Variants in CHL1 observed in about 807,000 individuals in gnomAD.
CHL1 encodes the protein neural cell adhesion molecule L1-like protein.
A neutral mutation model predicts 141.9 loss-of-function variants in CHL1; 96 were observed. The ratio of observed to expected loss-of-function variants is 0.68; its 90% CI spans 0.57 to 0.80. The LOEUF is 0.80. Ranked by LOEUF, CHL1 falls within the 30% of genes least tolerant of loss-of-function variation. The pLI, the probability that CHL1 is intolerant of heterozygous loss-of-function variation, is 0.00. For synonymous variants in CHL1, 613 were observed against 502.2 expected, an observed-to-expected ratio of 1.22 and a Z score of -2.95; for missense variants, 1,820 against 1,457.2, an observed-to-expected ratio of 1.25 and a Z score of -4.05.
rs1258423978 is a variant in CHL1 at position 409,295 on chromosome 3, A to G, written c.*3584A>G. On this transcript the variant is annotated 3_prime_UTR_variant, in exon 28 of 28. Transcript: ENST00000256509. ...TAATATTCATAGTAGAACTTTATAA[A>G]ACGTGTTTGTATTGTAGGTGGTGTT... 6.6e-6 allele frequency: 1 copy of G among 152,082 alleles called. No individual in the cohort carries two copies. Among genetic ancestry groups the G allele is most frequent in the African/African-American group, 2.4e-5 (1 of 41,434 alleles). 9.4% of individuals were successfully genotyped at this position (152,082 alleles called of 1,614,324 possible).
chr3:238,490 C>T (rs1574817522), intron 1 of CHL1, among the ~76,000 whole-genome samples: 1 of 151,968 alleles, frequency 6.6e-6, no homozygotes, highest in Non-Finnish European at 1.5e-5. Flanking sequence ...CATTTTTTGT[C>T]AACATATGTG....
At chr3:227,518 T>C (rs1701460674) in intron 1 of CHL1, among the ~76,000 whole-genome samples, 1 of 152,196 alleles carries the variant, frequency 6.6e-6, no homozygotes, top group African/African-American at 2.4e-5. Context: ...ATAGGTGATA[T>C]GCATGTGGAG....
intron 15 of CHL1, among the ~76,000 whole-genome samples, chr3:367,965 T>C (rs1705120534): frequency 1.3e-5 from 2 of 152,222 alleles, no homozygotes; most frequent in Admixed American, 1.3e-4. Flanking sequence ...CCATGGTGTA[T>C]CTGTACCACA....
intron 11 of CHL1, among the ~76,000 whole-genome samples, chr3:359,040 A>G (rs999192806): frequency 6.7e-6 from 1 of 148,182 alleles, no homozygotes; most frequent in Non-Finnish European, 1.5e-5. Flanking sequence ...ATCTATATAT[A>G]TACTATAGAT....
intron 2 of CHL1, among the ~76,000 whole-genome samples, chr3:313,293 T>G (rs1456200035): frequency 1.3e-5 from 2 of 152,148 alleles, no homozygotes; most frequent in African/African-American, 4.8e-5. Context: ...TCAGAAAAAA[T>G]GTCAAGGATT....
chr3:223,823 G>T (rs1385412167), intron 1 of CHL1, among the ~76,000 whole-genome samples: 1 of 152,148 alleles, frequency 6.6e-6, no homozygotes. Flanking sequence ...ATGCTGATAG[G>T]TTGGGGCAGG....
At position 361,804 on chromosome 3, in the gene CHL1, T is replaced by C. The variant is rs373716865; in HGVS notation, c.1412T>C (p.Val471Ala). ...CEFFASPEAV[V>A]SWQKVEEVKP... is the part of the protein sequence containing the mutation. ...TTCTTTGCTTCACCTGAGGCAGTCG[T>C]GTCCTGGTAAGCCGGTGGCTCATGG... is the stretch of plus-strand genomic sequence containing the variant. Residue 471 changes from valine to alanine, a missense_variant, in exon 13 of 28, where the codon GTG becomes GCG. Transcript: ENST00000256509. 1.0e-5 allele frequency: 16 copies of C among 1,606,430 alleles called. No individual in the cohort carries two copies. The African/African-American group carries it at 1.7e-4, about 17-fold the overall frequency.
rs372485351 is a variant in CHL1 at position 363,400 on chromosome 3, G to C, written c.1585+17G>C. ...ATATTAGAAGTATTTTTATTTCACT[G>C]TTACTTTGCATGAATTGTCACATGG... On this transcript the variant is annotated intron_variant, in intron 14 of 27. Coordinates refer to ENST00000256509, the MANE Select transcript of CHL1 (RefSeq NM_006614.4). 7 of 1,600,560 alleles carry C rather than the reference G, an allele frequency of 4.4e-6. No individual in the cohort carries two copies. The highest frequency in any genetic ancestry group is 2.2e-5 in the East Asian group (1 of 44,700).
At chr3:364,972 T>A (rs1375413443) in intron 14 of CHL1, among the ~76,000 whole-genome samples, 2 of 152,236 alleles carry the variant, frequency 1.3e-5, no homozygotes, top group Non-Finnish European at 2.9e-5. Flanking sequence ...AAATTTAGAA[T>A]TAGAAGTAGG....
chr3:199,120 GC>G (rs1169854755), intron 1 of CHL1, among the ~76,000 whole-genome samples: 4 of 152,214 alleles, frequency 2.6e-5, no homozygotes, highest in African/African-American at 9.7e-5. Flanking sequence ...TGGTTACAGA[GC>G]CTATGTATAC....
intron 2 of CHL1, among the ~76,000 whole-genome samples, chr3:300,034 A>G (rs1698585357): frequency 6.6e-6 from 1 of 152,212 alleles, no homozygotes. Context: ...TAAATTGCTT[A>G]CCAATTGATG....
chr3:370,636 G>A (rs938130919), intron 15 of CHL1, among the ~76,000 whole-genome samples: 2 of 150,132 alleles, frequency 1.3e-5, no homozygotes, highest in Non-Finnish European at 3.0e-5. Flanking sequence ...TGTTTCTCTT[G>A]TCTTCTGCTA....
At chr3:242,802 G>A (rs534321255) in intron 1 of CHL1, among the ~76,000 whole-genome samples, 65 of 152,192 alleles carry the variant, frequency 4.3e-4, no homozygotes, top group African/African-American at 1.3e-3. Flanking sequence ...CTCTGTGGGC[G>A]TAGGCTGCTG....
intron 2 of CHL1, among the ~76,000 whole-genome samples, chr3:262,783 T>A (rs992050603): frequency 6.6e-6 from 1 of 152,200 alleles, no homozygotes; most frequent in Non-Finnish European, 1.5e-5. Flanking sequence ...AGGACAGAAA[T>A]CAGCATATTA....
At position 394,912 on chromosome 3, in the gene CHL1, A is replaced by G. The variant is rs771694267; in HGVS notation, c.3094+40A>G. The G allele has an allele frequency of 1.1e-5, 17 of 1,492,958 alleles. No individual in the cohort carries two copies. In the Admixed American group the frequency reaches 3.8e-4, roughly 33 times the overall value. 92.5% of individuals were successfully genotyped at this position (1,492,958 alleles called of 1,614,324 possible). A position where few individuals can be genotyped will look rare whatever the true frequency, so the allele number is the denominator to read the frequency against. On this transcript the variant is annotated intron_variant, in intron 24 of 27. Coordinates refer to ENST00000256509, the MANE Select transcript of CHL1 (RefSeq NM_006614.4). ...CTTCTCTTTTTAATAGAGGCTTTAAAAAGAGACTGCATCTTTTTAAACAGC... is the reference window on the plus strand; with the variant it reads ...CTTCTCTTTTTAATAGAGGCTTTAAGAAGAGACTGCATCTTTTTAAACAGC...
intron 3 of CHL1, among the ~76,000 whole-genome samples, chr3:322,125 G>A (rs532704814): frequency 6.6e-6 from 1 of 151,936 alleles, no homozygotes; most frequent in South Asian, 2.1e-4. Flanking sequence ...TTTGCAATAA[G>A]CTCAAGTCCT....
At chr3:242,114 T>C (rs1433964079) in intron 1 of CHL1, among the ~76,000 whole-genome samples, 1 of 152,036 alleles carries the variant, frequency 6.6e-6, no homozygotes, top group African/African-American at 2.4e-5. Flanking sequence ...AAATTTATCA[T>C]AAGAAAAGAT....
chr3:327,194 G>C (rs992164629), intron 4 of CHL1, among the ~76,000 whole-genome samples: 3 of 151,920 alleles, frequency 2.0e-5, no homozygotes, highest in African/African-American at 7.2e-5. Context: ...GTCCATTGAA[G>C]GTTTGTTATT....
At chr3:335,878 T>G (rs1343986996) in intron 5 of CHL1, among the ~76,000 whole-genome samples, 1 of 152,168 alleles carries the variant, frequency 6.6e-6, no homozygotes, top group Admixed American at 6.5e-5. Context: ...TGGCCTACCT[T>G]GTCTCTGTGC....
Sources: gnomAD v4.1 joint callset for allele counts (sites outside exome capture counted in the v4.1 genomes callset) on GRCh38, gnomAD v4.1.1 for gene constraint, MANE v1.5 for transcripts, NCBI Gene and HGNC (gene_info 2026-07-23, HGNC 2026-07-21) for gene names.